Variants in SH3TC2 observed in about 807,000 individuals in gnomAD.
SH3TC2 encodes the protein SH3 domain and tetratricopeptide repeat-containing protein 2.
In SH3TC2, 87 loss-of-function variants were observed where a neutral mutation model predicts 124.5. The ratio of observed to expected loss-of-function variants is 0.70; its 90% CI spans 0.59 to 0.84. The LOEUF (loss-of-function observed/expected upper bound fraction) is 0.84. Ranked by LOEUF, SH3TC2 falls within the 40% of genes least tolerant of loss-of-function variation. The pLI, the probability that SH3TC2 is intolerant of heterozygous loss-of-function variation, is 0.00. For missense variants in SH3TC2, 1,536 were observed against 1,566.4 expected, an observed-to-expected ratio of 0.98 and a Z score of 0.33; for synonymous variants, 634 against 628.5, an observed-to-expected ratio of 1.01 and a Z score of -0.13.
chr5:149,033,509 G>A (rs1271275136), intron 8 of SH3TC2, among the ~76,000 whole-genome samples: 1 of 152,166 alleles, frequency 6.6e-6, no homozygotes, highest in Non-Finnish European at 1.5e-5. Flanking sequence ...AGATGGCCCA[G>A]AGCTCCTGGT....
intron 1 of SH3TC2, among the ~76,000 whole-genome samples, chr5:149,055,766 TATATATA>T (rs1754635859): frequency 6.6e-6 from 1 of 152,168 alleles, no homozygotes; most frequent in African/African-American, 2.4e-5. Flanking sequence ...GTAAATGATG[TATATATA>T]ATATATAATT....
chr5:149,047,796 C>A, intron 3 of SH3TC2, 66 bp downstream of exon 3: 1 of 1,606,366 alleles, frequency 6.2e-7, no homozygotes, highest in Non-Finnish European at 8.5e-7. Flanking sequence ...GTCTTAGATG[C>A]TAGGGATCCT....
chr5:148,988,820 T>G lies in SH3TC2; in HGVS notation c.*15891A>C, dbSNP rs538758602. ...AATCAGAAACTTTTGGGGTGGTTTGTTATGTCACTTGTTCCACCTCATGGT... is the reference window on the plus strand; with the variant it reads ...AATCAGAAACTTTTGGGGTGGTTTGGTATGTCACTTGTTCCACCTCATGGT... On this transcript the variant is annotated 3_prime_UTR_variant, in exon 17 of 17. Coordinates refer to ENST00000515425, the MANE Select transcript of SH3TC2 (RefSeq NM_024577.4). Among the ~76,000 whole-genome samples, 84 of 152,362 alleles carry G rather than the reference T, an allele frequency of 5.5e-4. No homozygotes were observed. In the South Asian group the frequency reaches 7.0e-3, roughly 13 times the overall value.
Position 149,027,297 on chromosome 5 carries a change from G to C in SH3TC2, c.2435C>G (p.Ala812Gly). The change falls in exon 11 of 17, where the codon GCC becomes GGC. Residue 812 changes from alanine (A) to glycine (G), a missense_variant. Coordinates refer to ENST00000515425, the MANE Select transcript of SH3TC2 (RefSeq NM_024577.4). ...LAWAYLLASQAKKALDVLEPL... is the reference protein window; with the variant it reads ...LAWAYLLASQGKKALDVLEPL... ...CTCAAGCACATCCAAAGCCTTCTTG[G>C]CCTGGCTGGCTAAGAGATAGGCCCA... 6.2e-7 allele frequency: 1 copy of C among 1,614,048 alleles called. No individual in the cohort carries two copies. Among genetic ancestry groups the C allele is most frequent in the African/African-American group, 1.3e-5 (1 of 75,062 alleles).
chr5:149,010,231 C>G (rs1403700584), intron 14 of SH3TC2, 39 bp downstream of exon 14: 2 of 1,613,738 alleles, frequency 1.2e-6, no homozygotes, highest in African/African-American at 2.7e-5. Flanking sequence ...CATGCCCGTG[C>G]CAGGACCTGT....
chr5:149,046,635 G>A (rs1010582480), intron 3 of SH3TC2: 2 of 152,252 alleles, frequency 1.3e-5, no homozygotes, highest in Admixed American at 1.3e-4. Flanking sequence ...GCGGAGCCTT[G>A]ATTAGATTTC....
rs574482752 is a variant in SH3TC2, at chr5:148,985,384, A to G, written c.*19327T>C. Among the ~76,000 whole-genome samples, 6 of 152,230 alleles carry G rather than the reference A, an allele frequency of 3.9e-5. No homozygotes were observed. The highest frequency in any genetic ancestry group is 2.1e-4 in the South Asian group (1 of 4,828). On this transcript the variant is annotated 3_prime_UTR_variant, in exon 17 of 17. Transcript: ENST00000515425. ...AATTTTCTTGTGTCTTTTTTCATCA[A>G]TTCTTCCTCCAACTCACAGCACAGA...
rs1312192078 is a variant in SH3TC2 at position 149,028,334 on chromosome 5, G to C, written c.1398C>G (p.Asn466Lys). The stretch of plus-strand genomic sequence containing the variant: ...CCAGAAAAGCCAATATGGGGGCGAA[G>C]TTCTCAGCCTCCTCCTCCTGACCAG... ...LSTGQEEEAE[N>K]FAPILAFLDH... Residue 466 changes from asparagine (N) to lysine (K), a missense_variant, in exon 11 of 17, where the codon AAC (asparagine) becomes AAG (lysine). Transcript: ENST00000515425. 6.2e-7 allele frequency: 1 copy of C among 1,614,102 alleles called. No homozygotes were observed.
Position 148,989,104 on chromosome 5 carries a change from C to T in SH3TC2, c.*15607G>A, listed in dbSNP as rs1029087190. Among the ~76,000 whole-genome samples the T allele has an allele frequency of 9.9e-5, 15 of 152,072 alleles. No individual in the cohort carries two copies. The highest frequency in any genetic ancestry group is 4.1e-4 in the South Asian group (2 of 4,828). On this transcript the variant is annotated 3_prime_UTR_variant, in exon 17 of 17. Transcript: ENST00000515425. ...ATTTGCTATTGTCATTGTTTTTTAA[C>T]GTATTTTCTTTATATTTCCTTGAGT...
intron 16 of SH3TC2, 54 bp from the exon 17 acceptor site, chr5:149,004,956 G>C: frequency 6.3e-7 from 1 of 1,595,950 alleles, no homozygotes; most frequent in Non-Finnish European, 8.6e-7. Context: ...ACACTTCCAG[G>C]ACAGGCTAGG....
rs988492349 is a variant in SH3TC2 at position 149,002,013 on chromosome 5, G to A, written c.*2698C>T. The A allele has an allele frequency of 6.6e-6, 1 of 152,478 alleles. No homozygotes were observed. The highest frequency in any genetic ancestry group is 6.5e-5 in the Admixed American group (1 of 15,286). The allele number at this position is 152,478 out of a possible 1,614,324, so 9.4% of individuals were successfully genotyped here. On this transcript the variant is annotated 3_prime_UTR_variant, in exon 17 of 17. Transcript: ENST00000515425. Reference sequence around the variant, plus strand: ...GCCAAGGACAGATGTGGCTGCTGGGGAGAGGAAGAATCAAATTAAGTATAG... The same window carrying A: ...GCCAAGGACAGATGTGGCTGCTGGGAAGAGGAAGAATCAAATTAAGTATAG...
intron 12 of SH3TC2, among the ~76,000 whole-genome samples, chr5:149,022,813 A>G (rs1753997534): frequency 6.6e-6 from 1 of 152,228 alleles, no homozygotes; most frequent in African/African-American, 2.4e-5. Context: ...GTATGATACC[A>G]TTTATATCAA....
chr5:149,008,785 C>T, intron 15 of SH3TC2, 66 bp downstream of exon 15: 1 of 1,608,662 alleles, frequency 6.2e-7, no homozygotes. Context: ...GGTGTTATTG[C>T]TTTGCTGTCT....
In SH3TC2 at chr5:149,004,407, C is replaced by G; in HGVS notation, c.*304G>C. ...GGAAGGCTCCTGGAGGGCAAGATCC[C>G]TCATCTTCTCCAGAATTATGTATGG... On this transcript the variant is annotated 3_prime_UTR_variant, in exon 17 of 17. Transcript: ENST00000515425. 2.7e-6 allele frequency: 1 copy of G among 370,176 alleles called. No homozygotes were observed. The highest frequency in any genetic ancestry group is 7.8e-4 in the Middle Eastern group (1 of 1,282). 22.9% of individuals were successfully genotyped at this position (370,176 alleles called of 1,614,324 possible).
intron 1 of SH3TC2, among the ~76,000 whole-genome samples, chr5:149,054,392 T>C (rs1258508347): frequency 6.6e-6 from 1 of 152,172 alleles, no homozygotes; most frequent in Non-Finnish European, 1.5e-5. Context: ...TGGATATTGA[T>C]AAAATGCTGA....
chr5:149,014,573 A>G (rs967632771), intron 12 of SH3TC2, among the ~76,000 whole-genome samples: 2 of 152,182 alleles, frequency 1.3e-5, no homozygotes, highest in African/African-American at 4.8e-5. Context: ...GGCCCTTGTA[A>G]GAAAGAAAAA....
intron 12 of SH3TC2, chr5:149,026,366 CTG>C (rs1754062576): frequency 3.2e-6 from 2 of 615,600 alleles, no homozygotes; most frequent in Non-Finnish European, 5.7e-6. Context: ...GATGAGGAAA[CTG>C]AGACATGGAG....
rs574710725 is a variant in SH3TC2, at chr5:149,000,020, G to A, written c.*4691C>T. Among the ~76,000 whole-genome samples the A allele has an allele frequency of 1.1e-3, 171 of 152,254 alleles. No individual in the cohort carries two copies. Among genetic ancestry groups the A allele is most frequent in the African/African-American group, 3.9e-3 (162 of 41,538 alleles). On this transcript the variant is annotated 3_prime_UTR_variant, in exon 17 of 17. Coordinates refer to ENST00000515425, the MANE Select transcript of SH3TC2 (RefSeq NM_024577.4). ...GGTCTGCAGTTAGAATTAAGTAAGT[G>A]TCCCTTTCAGAACTCAGTTTGGATA...
In SH3TC2 at chr5:149,027,170, C is replaced by T; in HGVS notation, c.2562G>A (p.Arg854=). The T allele has an allele frequency of 6.2e-7, 1 of 1,614,192 alleles. No homozygotes were observed. The highest frequency in any genetic ancestry group is 8.5e-7 in the Non-Finnish European group (1 of 1,180,040). Reference sequence around the variant, plus strand: ...AGGCCCGAAGATAGCTCTTGGCTGCCCTGTTCACCCGGCCTTCACCTTGGA... The same window carrying T: ...AGGCCCGAAGATAGCTCTTGGCTGCTCTGTTCACCCGGCCTTCACCTTGGA... ...LALQGEGRVN[R]AAKSYLRALN... Residue 854 remains arginine, a synonymous_variant, in exon 11 of 17, where the codon AGG becomes AGA. Transcript: ENST00000515425.
Sources: allele counts gnomAD v4.1 joint callset (sites outside exome capture counted in the v4.1 genomes callset), GRCh38; gene constraint gnomAD v4.1.1; transcripts MANE v1.5; gene names NCBI Gene and HGNC (gene_info 2026-07-23, HGNC 2026-07-21).